The following CCDC30 variants were observed in gnomAD, a reference collection of about 807,000 sequenced individuals.
CCDC30 encodes coiled-coil domain-containing protein 30.
CCDC30 carries 70 observed loss-of-function variants against 100.2 expected under a neutral mutation model. That is an observed-to-expected ratio of 0.70 (90% confidence interval 0.58 to 0.85). CCDC30 has a LOEUF of 0.85. Among genes scored for constraint, CCDC30 ranks in the 40% least tolerant of loss-of-function variants. The probability of loss-of-function intolerance (pLI) is 0.00; values close to 1 mark genes in which losing one functional copy is unlikely to be tolerated. For synonymous variants in CCDC30, 233 were observed against 269.5 expected (o/e 0.86, Z 1.33); for missense variants, 652 against 771.2 (o/e 0.85, Z 1.83).
At chr1:42,522,419 C>T (rs1419535536) in intron 6 of CCDC30, among the ~76,000 whole-genome samples, 2 of 152,288 alleles carry the variant, frequency 1.3e-5, no homozygotes, top group African/African-American at 2.4e-5. Flanking sequence ...TAGCTTCCCC[C>T]ACTTATTTCC....
At chr1:42,501,131 A>G (rs1018368734) in intron 6 of CCDC30, among the ~76,000 whole-genome samples, 1 of 152,120 alleles carries the variant, frequency 6.6e-6, no homozygotes, top group African/African-American at 2.4e-5. Context: ...TGTTTCTTAT[A>G]CTTTCTTCTA....
At chr1:42,513,429 A>T (rs1024382022) in intron 6 of CCDC30, among the ~76,000 whole-genome samples, 5 of 152,108 alleles carry the variant, frequency 3.3e-5, no homozygotes, top group Non-Finnish European at 2.9e-5. Context: ...TGGGTTTTCT[A>T]CTTGGCCAGC....
intron 10 of CCDC30, chr1:42,592,986 A>C (rs576639840): frequency 6.6e-6 from 1 of 152,152 alleles, no homozygotes; most frequent in Non-Finnish European, 1.5e-5. Flanking sequence ...AAAATGGCCA[A>C]ATACAACTTC....
rs559089808 is a variant in CCDC30, at chr1:42,497,124, G to C, written c.268G>C (p.Glu90Gln). 1.1e-5 allele frequency: 14 copies of C among 1,234,144 alleles called. No individual in the cohort carries two copies. The South Asian group carries it at 3.7e-4, about 32-fold the overall frequency. 76.4% of individuals were successfully genotyped at this position (1,234,144 alleles called of 1,614,324 possible). A position where few individuals can be genotyped will look rare whatever the true frequency, so the allele number is the denominator to read the frequency against. Residue 90 changes from glutamate (E) to glutamine (Q), a missense_variant, in exon 5 of 17, where the codon GAA becomes CAA. By Grantham distance (29) the Glu-to-Gln change is conservative. Coordinates refer to ENST00000668663, the Ensembl canonical transcript of CCDC30. ...TGCAGCTGACCTACAGAAAGCAAAGGAACAAAATCAGAGACTGGATGAGGA... is the reference window on the plus strand; with the variant it reads ...TGCAGCTGACCTACAGAAAGCAAAGCAACAAAATCAGAGACTGGATGAGGA...
intron 15 of CCDC30, among the ~76,000 whole-genome samples, chr1:42,650,758 C>T (rs1385312724): frequency 2.0e-5 from 3 of 151,926 alleles, no homozygotes; most frequent in Non-Finnish European, 4.4e-5. Flanking sequence ...TTCCAAGTAG[C>T]TGGAACCATA....
At chr1:42,611,515 A>G (rs72959648) in intron 11 of CCDC30, among the ~76,000 whole-genome samples, 3,426 of 151,764 alleles carry the variant, frequency 0.023, 115 homozygotes, top group African/African-American at 0.077. Context: ...ATAATGATAT[A>G]CCTATTACAT....
intron 9 of CCDC30, among the ~76,000 whole-genome samples, chr1:42,585,815 C>T (rs1206596767): frequency 1.3e-5 from 2 of 152,028 alleles, no homozygotes; most frequent in South Asian, 2.1e-4. Flanking sequence ...TGTTGTTTAT[C>T]CCAAATATTT....
At chr1:42,652,051 T>C (rs575862491) in intron 15 of CCDC30, among the ~76,000 whole-genome samples, 1 of 152,286 alleles carries the variant, frequency 6.6e-6, no homozygotes, top group Admixed American at 6.5e-5. Flanking sequence ...TGGGTATACA[T>C]CCAAAGGATT....
At chr1:42,622,471 A>G (rs1248405652) in intron 11 of CCDC30, among the ~76,000 whole-genome samples, 1 of 152,168 alleles carries the variant, frequency 6.6e-6, no homozygotes, top group Non-Finnish European at 1.5e-5. Flanking sequence ...GGATTGCTCA[A>G]ATATATGATA....
intron 11 of CCDC30, among the ~76,000 whole-genome samples, chr1:42,623,167 CCT>C (rs1389371853): frequency 6.6e-6 from 1 of 151,984 alleles, no homozygotes; most frequent in Non-Finnish European, 1.5e-5. Flanking sequence ...AAATATTTTC[CCT>C]ATTCCATGGG....
intron 9 of CCDC30, among the ~76,000 whole-genome samples, chr1:42,586,164 T>C (rs1050788136): frequency 3.3e-5 from 5 of 152,160 alleles, no homozygotes; most frequent in Non-Finnish European, 5.9e-5. Flanking sequence ...AGAAGCTAAA[T>C]AGACAATAGT....
At chr1:42,576,942 T>C (rs1412749742) in intron 7 of CCDC30, 78 bp from the exon 12 acceptor site, 45 of 1,071,462 alleles carry the variant, frequency 4.2e-5, no homozygotes, top group Non-Finnish European at 5.8e-5. Context: ...GGGACTATAC[T>C]CCTTTGAAAG....
At chr1:42,569,508 A>G (rs1487822887) in intron 7 of CCDC30, among the ~76,000 whole-genome samples, 2 of 152,218 alleles carry the variant, frequency 1.3e-5, no homozygotes, top group Non-Finnish European at 2.9e-5. Flanking sequence ...GTGAAATAGG[A>G]ACGCTTTTAC....
At chr1:42,615,137 A>G (rs1646700920) in intron 11 of CCDC30, among the ~76,000 whole-genome samples, 1 of 152,086 alleles carries the variant, frequency 6.6e-6, no homozygotes, top group Non-Finnish European at 1.5e-5. Context: ...GATTGGGCCA[A>G]AATGTGAAGA....
Position 42,648,717 on chromosome 1 carries a change from T to C in CCDC30, c.1854+2400T>C, listed in dbSNP as rs149234654. Among the ~76,000 whole-genome samples the C allele has an allele frequency of 5.6e-3, 842 of 151,198 alleles. 7 individuals carry two copies. Among genetic ancestry groups the C allele is most frequent in the African/African-American group, 0.019 (800 of 41,256 alleles). On this transcript the variant is annotated intron_variant, in intron 15 of 16. Coordinates refer to ENST00000668663, the Ensembl canonical transcript of CCDC30. ...AAGATTAGAGCAGAAATAAATGAAA[T>C]TGAGATTAAAAGAACAATATAGAAG...
rs1040539604 is a variant in CCDC30, at chr1:42,563,189, G to T, written c.457-3107G>T. Among the ~76,000 whole-genome samples the T allele has an allele frequency of 3.3e-5, 5 of 152,266 alleles. No homozygotes were observed. In the East Asian group the frequency reaches 9.6e-4, roughly 29 times the overall value. On this transcript the variant is annotated intron_variant, in intron 6 of 16. Coordinates refer to ENST00000668663, the Ensembl canonical transcript of CCDC30. ...TTGCAGCACTATTTACAATAGCAAA[G>T]ACATGGAACCAACTCAAATGCCCAT...
At chr1:42,650,038 C>T (rs1648197809) in intron 15 of CCDC30, among the ~76,000 whole-genome samples, 1 of 152,092 alleles carries the variant, frequency 6.6e-6, no homozygotes, top group Non-Finnish European at 1.5e-5. Context: ...TCTATAGGTT[C>T]AGTGCAATAC....
intron 5 of CCDC30, among the ~76,000 whole-genome samples, chr1:42,498,603 G>T (rs1644263235): frequency 6.6e-6 from 1 of 152,256 alleles, no homozygotes; most frequent in African/African-American, 2.4e-5. Flanking sequence ...ACGTGAAAAA[G>T]TTCAGGTAGG....
intron 4 of CCDC30, among the ~76,000 whole-genome samples, chr1:42,496,878 T>G (rs1306172081): frequency 2.0e-5 from 3 of 152,206 alleles, no homozygotes; most frequent in Non-Finnish European, 4.4e-5. Context: ...GTGAGTAATA[T>G]AAAACTTTCT....
Sources: gnomAD v4.1 joint callset for allele counts (sites outside exome capture counted in the v4.1 genomes callset) on GRCh38, gnomAD v4.1.1 for gene constraint, MANE v1.5 for transcripts, NCBI Gene and HGNC (gene_info 2026-07-23, HGNC 2026-07-21) for gene names.